The following ACSS3 variants were observed in gnomAD, a reference collection of about 807,000 sequenced individuals.
The protein encoded by ACSS3 is acyl-CoA synthetase short chain family member 3.
ACSS3 carries 64 observed loss-of-function variants against 84.2 expected under a neutral mutation model. That is an observed-to-expected ratio of 0.76 (90% confidence interval 0.62 to 0.94). The LOEUF is 0.94. Ranked by LOEUF, ACSS3 falls within the 40% of genes least tolerant of loss-of-function variation. The pLI is 0.00. For missense variants in ACSS3, 815 were observed against 867.6 expected (o/e 0.94, Z 0.76); for synonymous variants, 317 against 310.1 (o/e 1.02, Z -0.23).
At chr12:81,131,866 T>C (rs1319915963) in intron 2 of ACSS3, among the ~76,000 whole-genome samples, 1 of 152,122 alleles carries the variant, frequency 6.6e-6, no homozygotes. Flanking sequence ...AAGGCCTTTT[T>C]TGCATCTACT....
intron 5 of ACSS3, among the ~76,000 whole-genome samples, chr12:81,150,281 T>C (rs181894012): frequency 5.7e-4 from 87 of 152,310 alleles, no homozygotes; most frequent in African/African-American, 2.0e-3. Flanking sequence ...ATTACTGATA[T>C]TAAGTATCAC....
intron 11 of ACSS3, among the ~76,000 whole-genome samples, chr12:81,227,424 A>ACACAC (rs1565732073): frequency 8.0e-6 from 1 of 124,490 alleles, no homozygotes; most frequent in Admixed American, 8.0e-5. Flanking sequence ...CACACACACA[A>ACACAC]GTGTTGATTA....
intron 8 of ACSS3, among the ~76,000 whole-genome samples, chr12:81,186,376 A>G (rs552648527): frequency 5.9e-5 from 9 of 151,992 alleles, no homozygotes; most frequent in Non-Finnish European, 1.3e-4. Context: ...CATGAAACTA[A>G]CAAGCTCTGC....
intron 9 of ACSS3, among the ~76,000 whole-genome samples, chr12:81,204,027 T>A (rs143478486): frequency 6.6e-6 from 1 of 152,264 alleles, no homozygotes; most frequent in African/African-American, 2.4e-5. Context: ...TATCCTCAGC[T>A]GTACGATCCC....
At chr12:81,168,125 G>A (rs1198706942) in intron 7 of ACSS3, among the ~76,000 whole-genome samples, 1 of 152,158 alleles carries the variant, frequency 6.6e-6, no homozygotes, top group Non-Finnish European at 1.5e-5. Flanking sequence ...CCAATAAATT[G>A]TTGGTTCTTT....
rs2034255850 is a variant in ACSS3, at chr12:81,254,867, C to T, written c.2006C>T (p.Thr669Ile). Residue 669 changes from threonine (T) to isoleucine (I), a missense_variant, in exon 16 of 16, where the codon ACA becomes ATA. Thr to Ile is a moderately conservative substitution (Grantham distance 89). Coordinates refer to ENST00000548058, the MANE Select transcript of ACSS3 (RefSeq NM_024560.4). The stretch of plus-strand genomic sequence containing the variant: ...TAATTTTTTTTCCAGATAACTTCTA[C>T]AATTGAAGACCCCAGCATTTTTGGC... ...VNGKPYKITS[T>I]IEDPSIFGHV... The T allele has an allele frequency of 3.7e-6, 6 of 1,606,896 alleles. No homozygotes were observed. The highest frequency in any genetic ancestry group is 2.2e-5 in the East Asian group (1 of 44,480).
chr12:81,192,976 G>A (rs1408982699), intron 8 of ACSS3, among the ~76,000 whole-genome samples: 1 of 152,108 alleles, frequency 6.6e-6, no homozygotes, highest in Non-Finnish European at 1.5e-5. Context: ...GAGAGATAGA[G>A]GGTTGTACTT....
At chr12:81,151,114 T>C (rs1886591415) in intron 5 of ACSS3, among the ~76,000 whole-genome samples, 1 of 152,234 alleles carries the variant, frequency 6.6e-6, no homozygotes, top group Admixed American at 6.5e-5. Context: ...ATACCCAGTG[T>C]TCAAATATTA....
intron 11 of ACSS3, among the ~76,000 whole-genome samples, chr12:81,226,211 A>C (rs2033266207): frequency 6.6e-6 from 1 of 151,902 alleles, no homozygotes; most frequent in African/African-American, 2.4e-5. Context: ...TTTACACTTC[A>C]TTTAACCTTG....
intron 3 of ACSS3, among the ~76,000 whole-genome samples, chr12:81,137,472 T>C (rs1041362177): frequency 6.6e-6 from 1 of 151,928 alleles, no homozygotes; most frequent in East Asian, 1.9e-4. Flanking sequence ...ATATCTGAGA[T>C]AGTTGGGTAA....
chr12:81,228,440 C>A (rs1565732552), intron 11 of ACSS3, among the ~76,000 whole-genome samples: 1 of 151,758 alleles, frequency 6.6e-6, no homozygotes, highest in African/African-American at 2.4e-5. Context: ...TGCAACAGCT[C>A]TGGAAGCCTG....
chr12:81,259,920 T>C lies in ACSS3; in HGVS notation c.*4998T>C. 1 of 325,938 alleles carries C rather than the reference T, an allele frequency of 3.1e-6. No individual in the cohort carries two copies. The highest frequency in any genetic ancestry group is 5.6e-6 in the Non-Finnish European group (1 of 179,960). 20.2% of individuals were successfully genotyped at this position (325,938 alleles called of 1,614,324 possible). A position where few individuals can be genotyped will look rare whatever the true frequency, so the allele number is the denominator to read the frequency against. On this transcript the variant is annotated 3_prime_UTR_variant, in exon 16 of 16. Transcript: ENST00000548058. ...ATGGCAGTAATGTAAACAAAGGTAG[T>C]TATGCAAAATGTTAGCATGCCTTCT...
At chr12:81,078,049 T>A, upstream of ACSS3, 1 of 1,418,656 alleles carries the variant, frequency 7.0e-7, no homozygotes. Flanking sequence ...CCCTACTCCC[T>A]TCCCTCAGGC....
intron 9 of ACSS3, among the ~76,000 whole-genome samples, chr12:81,209,031 G>T (rs756165529): frequency 3.3e-5 from 5 of 152,096 alleles, no homozygotes. Context: ...GTAACATATA[G>T]CTTTTATCTT....
rs750049426 is a variant in ACSS3 at position 81,255,833 on chromosome 12, G to A, written c.*911G>A. 4.6e-5 allele frequency: 7 copies of A among 152,168 alleles called. No homozygotes were observed. Among genetic ancestry groups the A allele is most frequent in the Non-Finnish European group, 8.8e-5 (6 of 68,116 alleles). The allele number at this position is 152,168 out of a possible 1,614,324, so 9.4% of individuals were successfully genotyped here. A position where few individuals can be genotyped will look rare whatever the true frequency, so the allele number is the denominator to read the frequency against. On this transcript the variant is annotated 3_prime_UTR_variant, in exon 16 of 16. Coordinates refer to ENST00000548058, the MANE Select transcript of ACSS3 (RefSeq NM_024560.4). ...ACAACAAAAAAACCACATGCCTGGCGGAGAACAAAGAGATCATTTAGTCCA... is the reference window on the plus strand; with the variant it reads ...ACAACAAAAAAACCACATGCCTGGCAGAGAACAAAGAGATCATTTAGTCCA...
At chr12:81,095,320 TTTTAAG>T (rs1395857965) in intron 1 of ACSS3, among the ~76,000 whole-genome samples, 2 of 152,346 alleles carry the variant, frequency 1.3e-5, no homozygotes, top group African/African-American at 2.4e-5. Context: ...AAAACTCTAC[TTTTAAG>T]TTTATGTTAT....
chr12:81,216,092 G>A (rs2032902522), intron 9 of ACSS3, among the ~76,000 whole-genome samples: 2 of 151,460 alleles, frequency 1.3e-5, no homozygotes, highest in Admixed American at 6.6e-5. Flanking sequence ...GTAGCTCTTA[G>A]GAAATTAGAG....
intron 8 of ACSS3, among the ~76,000 whole-genome samples, chr12:81,186,838 C>G (rs2031288437): frequency 6.6e-6 from 1 of 151,746 alleles, no homozygotes; most frequent in African/African-American, 2.4e-5. Context: ...ACCATATGAT[C>G]CAGCAATCCG....
chr12:81,118,102 A>G (rs1884202272), intron 2 of ACSS3: 1 of 152,148 alleles, frequency 6.6e-6, no homozygotes, highest in African/African-American at 2.4e-5. Context: ...TATTTTTTTC[A>G]CATACACACA....
Sources: gnomAD v4.1 joint callset for allele counts (sites outside exome capture counted in the v4.1 genomes callset) on GRCh38, gnomAD v4.1.1 for gene constraint, MANE v1.5 for transcripts, NCBI Gene and HGNC (gene_info 2026-07-23, HGNC 2026-07-21) for gene names.